Variants in RPA2 observed in about 807,000 individuals in gnomAD.
RPA2 encodes the protein replication protein A 32 kDa subunit.
Under a neutral mutation model 33.4 loss-of-function variants are expected in RPA2, and 22 were observed. The observed-to-expected ratio is 0.66, with a 90% CI of 0.47 to 0.94. The LOEUF is 0.94. Ranked by LOEUF, RPA2 falls within the 40% of genes least tolerant of loss-of-function variation. The probability of loss-of-function intolerance (pLI) is 0.00; values close to 1 mark genes in which losing one functional copy is unlikely to be tolerated. For missense variants in RPA2, 279 were observed against 329.9 expected (o/e 0.85, Z 1.19); for synonymous variants, 109 against 114.9 (o/e 0.95, Z 0.33).
At chr1:27,895,525 C>G (rs1486436832) in intron 6 of RPA2, among the ~76,000 whole-genome samples, 1 of 152,002 alleles carries the variant, frequency 6.6e-6, no homozygotes, top group African/African-American at 2.4e-5. Flanking sequence ...ATCATCCTGG[C>G]TAACACGGTG....
At chr1:27,904,744 A>G (rs2090007556) in intron 4 of RPA2, among the ~76,000 whole-genome samples, 1 of 151,808 alleles carries the variant, frequency 6.6e-6, no homozygotes, top group African/African-American at 2.4e-5. Context: ...GGCTCACTGC[A>G]ACCTCTGTCT....
chr1:27,908,432 T>A (rs1017508578), intron 2 of RPA2, among the ~76,000 whole-genome samples: 3 of 151,946 alleles, frequency 2.0e-5, no homozygotes, highest in Non-Finnish European at 4.4e-5. Flanking sequence ...TGGACTCATG[T>A]TGGACGTCTT....
chr1:27,905,101 CACTT>C (rs984455783), intron 4 of RPA2, among the ~76,000 whole-genome samples: 2 of 152,036 alleles, frequency 1.3e-5, no homozygotes, highest in African/African-American at 4.8e-5. Context: ...TTTATAAAGA[CACTT>C]ATATATATGC....
At chr1:27,914,713 C>G, upstream of RPA2, 1 of 1,602,516 alleles carries the variant, frequency 6.2e-7, no homozygotes, top group Non-Finnish European at 8.5e-7. Flanking sequence ...CCTCCGCGGC[C>G]ATCTTTACGA....
chr1:27,898,690 C>A (rs191314472), intron 4 of RPA2, among the ~76,000 whole-genome samples: 2 of 151,974 alleles, frequency 1.3e-5, no homozygotes, highest in Admixed American at 1.3e-4. Context: ...GGACTATAGG[C>A]GCCTGCCACC....
intron 2 of RPA2, among the ~76,000 whole-genome samples, chr1:27,909,995 G>A (rs752405369): frequency 5.3e-5 from 8 of 152,088 alleles, no homozygotes; most frequent in Non-Finnish European, 1.0e-4. Flanking sequence ...TACATGCTAT[G>A]TTAATATTTA....
At chr1:27,898,330 T>A (rs561801516) in intron 4 of RPA2, among the ~76,000 whole-genome samples, 1 of 152,288 alleles carries the variant, frequency 6.6e-6, no homozygotes, top group South Asian at 2.1e-4. Flanking sequence ...TTCTATATAA[T>A]AGGATACTCC....
intron 4 of RPA2, among the ~76,000 whole-genome samples, chr1:27,906,157 G>T (rs2090025796): frequency 6.6e-6 from 1 of 151,888 alleles, no homozygotes. Context: ...ATCACCTGAG[G>T]TCAGGAGTTT....
At position 27,891,598 on chromosome 1, in the gene RPA2, A is replaced by C. The variant is rs1169885303; in HGVS notation, c.*565T>G. 1 of 152,570 alleles carries C rather than the reference A, an allele frequency of 6.6e-6. No individual in the cohort carries two copies. Among genetic ancestry groups the C allele is most frequent in the Non-Finnish European group, 1.5e-5 (1 of 68,254 alleles). 9.5% of individuals were successfully genotyped at this position (152,570 alleles called of 1,614,324 possible). A position where few individuals can be genotyped will look rare whatever the true frequency, so the allele number is the denominator to read the frequency against. ...TTTATTTTGTACAAAATGCAGTAACACTTCTTCTTTTCCTCTGCCCCTGGA... is the reference window on the plus strand; with the variant it reads ...TTTATTTTGTACAAAATGCAGTAACCCTTCTTCTTTTCCTCTGCCCCTGGA... On this transcript the variant is annotated 3_prime_UTR_variant, in exon 9 of 9. Coordinates refer to ENST00000373912, the MANE Select transcript of RPA2 (RefSeq NM_002946.5).
intron 8 of RPA2, among the ~76,000 whole-genome samples, chr1:27,893,441 G>A (rs2089849599): frequency 6.6e-6 from 1 of 152,050 alleles, no homozygotes; most frequent in Non-Finnish European, 1.5e-5. Context: ...GGGTAGCTGG[G>A]ACTACAGACA....
chr1:27,914,739 G>A (rs560244552), upstream of RPA2: 535 of 1,508,612 alleles, frequency 3.5e-4, 10 homozygotes, highest in South Asian at 6.0e-3. Context: ...AAAACCCTCC[G>A]CACTAGCGGA....
At chr1:27,892,452 T>C (rs1422122365) in intron 8 of RPA2, among the ~76,000 whole-genome samples, 2 of 152,142 alleles carry the variant, frequency 1.3e-5, no homozygotes, top group African/African-American at 4.8e-5. Flanking sequence ...ATGGAGACAA[T>C]GGCTATTAGG....
At chr1:27,914,778 A>G, upstream of RPA2, 1 of 1,133,782 alleles carries the variant, frequency 8.8e-7, no homozygotes, top group South Asian at 1.4e-5. Flanking sequence ...CGGTATCGCA[A>G]GAAATCAACC....
chr1:27,914,766 A>G, upstream of RPA2: 1 of 1,259,682 alleles, frequency 7.9e-7, no homozygotes, highest in African/African-American at 1.5e-5. Flanking sequence ...GGGCTGGCAG[A>G]GCGGTATCGC....
intron 6 of RPA2, 32 bp downstream of exon 6, chr1:27,896,973 A>C: frequency 1.4e-5 from 21 of 1,501,420 alleles, no homozygotes; most frequent in South Asian, 2.4e-5. Flanking sequence ...CTTCCAGGGA[A>C]GAGAAAAAGC....
intron 5 of RPA2, 105 bp downstream of exon 5, chr1:27,897,528 T>A: frequency 1.4e-6 from 1 of 706,646 alleles, no homozygotes; most frequent in Non-Finnish European, 2.2e-6. Flanking sequence ...TAACTTCCCA[T>A]TAAACAGGGA....
chr1:27,914,428 C>T lies in RPA2; in HGVS notation c.10+6G>A, dbSNP rs376097458. On this transcript the variant is annotated splice_donor_region_variant and intron_variant, in intron 1 of 8. Transcript: ENST00000373912. ...TTCCTCCTCCACCCCGCACCCCCAT[C>T]ATTACTGTTCCACATCTTGGTCACG... 37 of 1,604,488 alleles carry T rather than the reference C, an allele frequency of 2.3e-5. No individual in the cohort carries two copies. Among genetic ancestry groups the T allele is most frequent in the Non-Finnish European group, 3.0e-5 (35 of 1,174,464 alleles).
At chr1:27,908,527 A>C (rs1180746227) in intron 2 of RPA2, among the ~76,000 whole-genome samples, 1 of 151,168 alleles carries the variant, frequency 6.6e-6, no homozygotes, top group Non-Finnish European at 1.5e-5. Context: ...ATGGAGTCTC[A>C]CTCTGTTGCC....
At chr1:27,893,186 CATATAGTGGTCCTTAGTGCTTGCTGA>C (rs2089845986) in intron 8 of RPA2, among the ~76,000 whole-genome samples, 1 of 152,234 alleles carries the variant, frequency 6.6e-6, no homozygotes, top group Non-Finnish European at 1.5e-5. Flanking sequence ...ATATCCCTCA[CATATAGTGGTCCTTAGTGCTTGCTGA>C]ATGAGTGATG....
Sources: gnomAD v4.1 joint callset for allele counts (sites outside exome capture counted in the v4.1 genomes callset) on GRCh38, gnomAD v4.1.1 for gene constraint, MANE v1.5 for transcripts, NCBI Gene and HGNC (gene_info 2026-07-23, HGNC 2026-07-21) for gene names.